Variants in NSL1 observed in about 807,000 individuals in gnomAD.
NSL1 encodes NSL1 component of MIS12 kinetochore complex, also known as kinetochore-associated protein NSL1 homolog.
A neutral mutation model predicts 25.4 loss-of-function variants in NSL1; 11 were observed. That is an observed-to-expected ratio of 0.43 (90% CI 0.27 to 0.72). The LOEUF (loss-of-function observed/expected upper bound fraction) is 0.72. Among genes scored for constraint, NSL1 ranks in the 30% least tolerant of loss-of-function variants. NSL1 has a pLI of 0.19. For synonymous variants in NSL1, 118 were observed against 120.6 expected (o/e 0.98, Z 0.14); for missense variants, 330 against 342.7 (o/e 0.96, Z 0.29).
chr1:212,727,130 T>A lies in NSL1; in HGVS notation c.*11278A>T, dbSNP rs1445437559. ...GGCAGAAGGGATGAAGGTTCCCCGA[T>A]CCCCTTCTCTCCTAAACTGCCCCTA... On this transcript the variant is annotated 3_prime_UTR_variant, in exon 6 of 6. Coordinates refer to ENST00000366977, the MANE Select transcript of NSL1 (RefSeq NM_015471.4). 1 of 1,572,700 alleles carries A rather than the reference T, an allele frequency of 6.4e-7. No homozygotes were observed. Among genetic ancestry groups the A allele is most frequent in the African/African-American group, 1.4e-5 (1 of 73,572 alleles).
At chr1:212,784,258 A>G (rs542603308) in intron 3 of NSL1, 105 bp downstream of exon 3, 1 of 721,034 alleles carries the variant, frequency 1.4e-6, no homozygotes, top group African/African-American at 1.8e-5. Context: ...GAGGCAGGAA[A>G]GAAAAAGACA....
intron 5 of NSL1, 76 bp from the exon 6 acceptor site, chr1:212,738,762 T>A: frequency 2.5e-6 from 3 of 1,210,814 alleles, no homozygotes; most frequent in African/African-American, 3.7e-5. Context: ...GATGCAGTAC[T>A]CTAATTTTTT....
Position 212,727,289 on chromosome 1 carries a change from T to G in NSL1, c.*11119A>C. The G allele has an allele frequency of 7.5e-7, 1 of 1,335,244 alleles. No individual in the cohort carries two copies. Among genetic ancestry groups the G allele is most frequent in the Admixed American group, 3.4e-5 (1 of 29,480 alleles). The allele number at this position is 1,335,244 out of a possible 1,614,324, so 82.7% of individuals were successfully genotyped here. A position where few individuals can be genotyped will look rare whatever the true frequency, so the allele number is the denominator to read the frequency against. On this transcript the variant is annotated 3_prime_UTR_variant, in exon 6 of 6. Coordinates refer to ENST00000366977, the MANE Select transcript of NSL1 (RefSeq NM_015471.4). Reference sequence around the variant, plus strand: ...CTCAGAGCTGTTTCACAACCCTTTGTTCCAGGCAGGGCCCAGGATCCCCTT... The same window carrying G: ...CTCAGAGCTGTTTCACAACCCTTTGGTCCAGGCAGGGCCCAGGATCCCCTT...
At position 212,727,957 on chromosome 1, in the gene NSL1, T is replaced by C. The variant is rs76286008; in HGVS notation, c.*10451A>G. 2,910 of 985,360 alleles carry C rather than the reference T, an allele frequency of 3.0e-3. 52 individuals carry two copies. In the African/African-American group the frequency reaches 0.048, roughly 16 times the overall value. The allele number at this position is 985,360 out of a possible 1,614,324, so 61.0% of individuals were successfully genotyped here. A position where few individuals can be genotyped will look rare whatever the true frequency, so the allele number is the denominator to read the frequency against. On this transcript the variant is annotated 3_prime_UTR_variant, in exon 6 of 6. Coordinates refer to ENST00000366977, the MANE Select transcript of NSL1 (RefSeq NM_015471.4). ...GTGTAGCGGTGAGAGCGTCTGAGACTCTGGACAAGGCCTTTGCTGTGAACC... is the reference window on the plus strand; with the variant it reads ...GTGTAGCGGTGAGAGCGTCTGAGACCCTGGACAAGGCCTTTGCTGTGAACC...
chr1:212,759,509 C>T (rs1313582322), intron 4 of NSL1, among the ~76,000 whole-genome samples: 1 of 152,140 alleles, frequency 6.6e-6, no homozygotes, highest in Non-Finnish European at 1.5e-5. Flanking sequence ...CCCTTGGCCC[C>T]TGCAGGCCCT....
At chr1:212,770,431 A>T (rs142563288) in intron 4 of NSL1, among the ~76,000 whole-genome samples, 1,800 of 152,318 alleles carry the variant, frequency 0.012, 13 homozygotes, top group Non-Finnish European at 0.019. Context: ...GAAATGAATA[A>T]ATTCCTGGAC....
At chr1:212,754,145 C>T (rs574604352) in intron 4 of NSL1, among the ~76,000 whole-genome samples, 1 of 152,262 alleles carries the variant, frequency 6.6e-6, no homozygotes, top group South Asian at 2.1e-4. Flanking sequence ...TTAAAAGTAT[C>T]CTAAGACTTC....
rs188006388 is a variant in NSL1, at chr1:212,729,514, C to T, written c.*8894G>A. ...GGCTCTGGAGCTGGGGTGTATGGGA[C>T]CTGGAGCAGGGGTGCCCTACAACTT... On this transcript the variant is annotated 3_prime_UTR_variant, in exon 6 of 6. Transcript: ENST00000366977. The T allele has an allele frequency of 2.0e-6, 2 of 985,356 alleles. No homozygotes were observed. Among genetic ancestry groups the T allele is most frequent in the Admixed American group, 1.2e-4 (2 of 16,272 alleles). 61.0% of individuals were successfully genotyped at this position (985,356 alleles called of 1,614,324 possible).
chr1:212,727,930 T>C lies in NSL1; in HGVS notation c.*10478A>G. On this transcript the variant is annotated 3_prime_UTR_variant, in exon 6 of 6. Transcript: ENST00000366977. The stretch of plus-strand genomic sequence containing the variant: ...ATGAGAAGAACCAACGAGGTCGCTG[T>C]GGTGTAGCGGTGAGAGCGTCTGAGA... 2 of 985,426 alleles carry C rather than the reference T, an allele frequency of 2.0e-6. No homozygotes were observed. The highest frequency in any genetic ancestry group is 2.4e-6 in the Non-Finnish European group (2 of 829,932). 61.0% of individuals were successfully genotyped at this position (985,426 alleles called of 1,614,324 possible).
chr1:212,765,551 T>G (rs114676573), intron 4 of NSL1, among the ~76,000 whole-genome samples: 1,563 of 152,186 alleles, frequency 0.01, 22 homozygotes, highest in African/African-American at 0.036. Flanking sequence ...CTGGGCAGAG[T>G]GGCTTATGCC....
At position 212,737,198 on chromosome 1, in the gene NSL1, T is replaced by C. The variant is rs1324850222; in HGVS notation, c.*1210A>G. The stretch of plus-strand genomic sequence containing the variant: ...GTACATTATTTCAATGAAAAACACA[T>C]AGCTGTGTACAAATATACAGATCTC... On this transcript the variant is annotated 3_prime_UTR_variant, in exon 6 of 6. Coordinates refer to ENST00000366977, the MANE Select transcript of NSL1 (RefSeq NM_015471.4). 4.1e-6 allele frequency: 4 copies of C among 985,158 alleles called. No individual in the cohort carries two copies. The highest frequency in any genetic ancestry group is 6.1e-5 in the Admixed American group (1 of 16,262). The allele number at this position is 985,158 out of a possible 1,614,324, so 61.0% of individuals were successfully genotyped here.
chr1:212,735,250 A>G lies in NSL1; in HGVS notation c.*3158T>C, dbSNP rs562894728. On this transcript the variant is annotated 3_prime_UTR_variant, in exon 6 of 6. Transcript: ENST00000366977. ...TTGAACTAATAATGGTAGAACTGAA[A>G]TCTGAACTCAGATGATCTGGCTTAG... is the stretch of plus-strand genomic sequence containing the variant. 2 of 926,458 alleles carry G rather than the reference A, an allele frequency of 2.2e-6. No individual in the cohort carries two copies. The highest frequency in any genetic ancestry group is 2.3e-4 in the East Asian group (2 of 8,528). The allele number at this position is 926,458 out of a possible 1,614,324, so 57.4% of individuals were successfully genotyped here.
chr1:212,780,500 T>TAAAA (rs1285748863), intron 4 of NSL1, among the ~76,000 whole-genome samples: 1 of 80,458 alleles, frequency 1.2e-5, no homozygotes, highest in Non-Finnish European at 2.7e-5. Context: ...GAATGATCAA[T>TAAAA]AAAAAAAAAA....
intron 1 of NSL1, 128 bp downstream of exon 1, chr1:212,791,402 C>A: frequency 3.6e-6 from 3 of 827,044 alleles, no homozygotes; most frequent in Non-Finnish European, 5.9e-6. Context: ...GTTTCTCGAA[C>A]TGGTTCTACA....
Position 212,732,366 on chromosome 1 carries a change from G to A in NSL1, c.*6042C>T, listed in dbSNP as rs1024835107. On this transcript the variant is annotated 3_prime_UTR_variant, in exon 6 of 6. Transcript: ENST00000366977. ...TCGTTCTTGTTGCCCAGGCTGGAGT[G>A]CGATGGCGTGATCTTGGCTCACTGC... 15 of 710,116 alleles carry A rather than the reference G, an allele frequency of 2.1e-5. No homozygotes were observed. Among genetic ancestry groups the A allele is most frequent in the South Asian group, 6.4e-5 (1 of 15,650 alleles). The allele number at this position is 710,116 out of a possible 1,614,324, so 44.0% of individuals were successfully genotyped here. A position where few individuals can be genotyped will look rare whatever the true frequency, so the allele number is the denominator to read the frequency against.
intron 4 of NSL1, among the ~76,000 whole-genome samples, chr1:212,756,031 G>T (rs1659291004): frequency 6.6e-6 from 1 of 152,146 alleles, no homozygotes; most frequent in Non-Finnish European, 1.5e-5. Flanking sequence ...AAGGATAAAT[G>T]AATTCATACC....
rs1053768130 is a variant in NSL1 at position 212,726,171 on chromosome 1, C to T, written c.*12237G>A. 4.6e-5 allele frequency: 7 copies of T among 152,202 alleles called. No individual in the cohort carries two copies. Among genetic ancestry groups the T allele is most frequent in the African/African-American group, 7.2e-5 (3 of 41,516 alleles). The allele number at this position is 152,202 out of a possible 1,614,324, so 9.4% of individuals were successfully genotyped here. A position where few individuals can be genotyped will look rare whatever the true frequency, so the allele number is the denominator to read the frequency against. On this transcript the variant is annotated 3_prime_UTR_variant, in exon 6 of 6. Coordinates refer to ENST00000366977, the MANE Select transcript of NSL1 (RefSeq NM_015471.4). ...CTAGGAATAGATCTAAATATATATT[C>T]GATTTTATTAGATGAAAAATGCAGC...
chr1:212,788,992 A>G (rs528890851), intron 1 of NSL1, among the ~76,000 whole-genome samples: 1 of 152,320 alleles, frequency 6.6e-6, no homozygotes, highest in South Asian at 2.1e-4. Context: ...TACTCTCCAA[A>G]ATAGTACCTT....
rs375091515 is a variant in NSL1 at position 212,744,075 on chromosome 1, G to A, written c.500-4474C>T. Reference sequence around the variant, plus strand: ...AAGGTAACGAAGCAGCAGATGCAGCGTGCAGCACAGGAAGTCAGTTGGGGC... The same window carrying A: ...AAGGTAACGAAGCAGCAGATGCAGCATGCAGCACAGGAAGTCAGTTGGGGC... On this transcript the variant is annotated intron_variant, in intron 4 of 5. Coordinates refer to ENST00000366977, the MANE Select transcript of NSL1 (RefSeq NM_015471.4). Among the ~76,000 whole-genome samples the A allele has an allele frequency of 1.4e-3, 210 of 152,286 alleles. 5 individuals carry two copies. In the South Asian group the frequency reaches 0.042, roughly 31 times the overall value.
Sources: gnomAD v4.1 joint callset for allele counts (sites outside exome capture counted in the v4.1 genomes callset) on GRCh38, gnomAD v4.1.1 for gene constraint, MANE v1.5 for transcripts, NCBI Gene and HGNC (gene_info 2026-07-23, HGNC 2026-07-21) for gene names.